The following CBLB variants were observed in gnomAD, a reference collection of about 807,000 sequenced individuals.
CBLB encodes the protein Cbl proto-oncogene B.
A neutral mutation model predicts 104.9 loss-of-function variants in CBLB; 31 were observed. The ratio of observed to expected loss-of-function variants is 0.30; its 90% confidence interval spans 0.22 to 0.40. The LOEUF is 0.40. CBLB is among the 10% of genes least tolerant of loss of function. The probability of loss-of-function intolerance (pLI) is 1.00; values close to 1 mark genes in which losing one functional copy is unlikely to be tolerated. For missense variants in CBLB, 1,062 were observed against 1,214.6 expected (o/e 0.87, Z 1.87); for synonymous variants, 440 against 422.6 (o/e 1.04, Z -0.51).
At chr3:105,815,711 G>A (rs1163606214) in intron 3 of CBLB, among the ~76,000 whole-genome samples, 1 of 152,098 alleles carries the variant, frequency 6.6e-6, no homozygotes, top group East Asian at 1.9e-4. Flanking sequence ...ATACCCAAAG[G>A]ATTATAAATC....
intron 7 of CBLB, among the ~76,000 whole-genome samples, chr3:105,738,450 A>G (rs1408588178): frequency 6.6e-6 from 1 of 152,150 alleles, no homozygotes; most frequent in Admixed American, 6.5e-5. Context: ...AAAATTTGAC[A>G]AACATTAAAT....
At chr3:105,673,355 C>T (rs1363192287) in intron 17 of CBLB, 2 of 152,214 alleles carry the variant, frequency 1.3e-5, no homozygotes, top group African/African-American at 4.8e-5. Flanking sequence ...AGGCATGAGC[C>T]TGTACCTGGC....
At chr3:105,730,858 A>C (rs1283622380) in intron 9 of CBLB, among the ~76,000 whole-genome samples, 2 of 152,166 alleles carry the variant, frequency 1.3e-5, no homozygotes, top group African/African-American at 4.8e-5. Flanking sequence ...TTTTGTTTCT[A>C]CTTTACTTAG....
chr3:105,750,839 A>G lies in CBLB; in HGVS notation c.723+623T>C, dbSNP rs567999231. Among the ~76,000 whole-genome samples the G allele has an allele frequency of 7.9e-5, 12 of 152,344 alleles. No homozygotes were observed. In the South Asian group the frequency reaches 2.5e-3, roughly 32 times the overall value. ...TTTACATTAGAGAAAATGTGGGAAA[A>G]GACCTAAATTTTTCAAAAGAGAGCT... On this transcript the variant is annotated intron_variant, in intron 5 of 18. Transcript: ENST00000394030.
At chr3:105,736,507 A>G (rs2074958195) in intron 8 of CBLB, among the ~76,000 whole-genome samples, 1 of 152,160 alleles carries the variant, frequency 6.6e-6, no homozygotes, top group South Asian at 2.1e-4. Context: ...GACTTCACAC[A>G]ATACAGTATG....
chr3:105,658,098 A>T lies in CBLB; in HGVS notation c.*872T>A, dbSNP rs6437609. 1 allele frequency: 216,628 copies of T among 217,194 alleles called. 108,036 individuals carry two copies. Among genetic ancestry groups the T allele is most frequent in the East Asian group, 1 (14,568 of 14,568 alleles). 13.5% of individuals were successfully genotyped at this position (217,194 alleles called of 1,614,324 possible). A position where few individuals can be genotyped will look rare whatever the true frequency, so the allele number is the denominator to read the frequency against. ...CATAAGTATCAGGGGACCTTGTTAT[A>T]TAACTTCAGTACAGCATTGTCTTAT... On this transcript the variant is annotated 3_prime_UTR_variant, in exon 19 of 19. Coordinates refer to ENST00000394030, the MANE Select transcript of CBLB (RefSeq NM_170662.5).
chr3:105,685,772 T>C (rs1040497917), intron 13 of CBLB, among the ~76,000 whole-genome samples: 5 of 152,188 alleles, frequency 3.3e-5, no homozygotes, highest in Admixed American at 1.3e-4. Context: ...ATGTACAAAT[T>C]TATTCAAACC....
intron 13 of CBLB, among the ~76,000 whole-genome samples, chr3:105,686,296 A>G (rs557381688): frequency 3.3e-5 from 5 of 152,324 alleles, no homozygotes; most frequent in Admixed American, 6.5e-5. Flanking sequence ...GCTGAAGCCA[A>G]TGAAAAATGC....
intron 17 of CBLB, 81 bp from the exon 18 acceptor site, chr3:105,670,433 TGAA>T (rs2064950480): frequency 2.7e-6 from 3 of 1,122,774 alleles, no homozygotes; most frequent in East Asian, 2.5e-5. Context: ...AATTATTTTA[TGAA>T]GATTATGGCT....
chr3:105,814,059 TTTAA>T (rs1241758420), intron 3 of CBLB, among the ~76,000 whole-genome samples: 8 of 152,160 alleles, frequency 5.3e-5, no homozygotes, highest in African/African-American at 1.9e-4. Flanking sequence ...TGTTTGCTTG[TTTAA>T]TTCTTTCTAA....
chr3:105,758,716 C>T (rs2077306657), intron 4 of CBLB, among the ~76,000 whole-genome samples: 1 of 152,208 alleles, frequency 6.6e-6, no homozygotes, highest in Admixed American at 6.5e-5. Context: ...CAGGCACCAG[C>T]ACAGGCACCG....
At chr3:105,732,766 T>A (rs1260477395) in intron 9 of CBLB, among the ~76,000 whole-genome samples, 4 of 152,156 alleles carry the variant, frequency 2.6e-5, no homozygotes. Context: ...TGAGCCTCAA[T>A]GTCCATCCTT....
intron 3 of CBLB, among the ~76,000 whole-genome samples, chr3:105,802,389 C>A (rs1275458238): frequency 6.6e-6 from 1 of 152,160 alleles, no homozygotes; most frequent in Non-Finnish European, 1.5e-5. Flanking sequence ...CCTAGGTCAC[C>A]ATTAGACTCT....
intron 3 of CBLB, among the ~76,000 whole-genome samples, chr3:105,816,261 AC>A (rs2085042797): frequency 6.6e-6 from 1 of 152,176 alleles, no homozygotes; most frequent in South Asian, 2.1e-4. Context: ...TCTTTGCAAA[AC>A]CATGAAATTA....
intron 3 of CBLB, among the ~76,000 whole-genome samples, chr3:105,795,241 T>C (rs976352074): frequency 2.6e-5 from 4 of 152,058 alleles, no homozygotes; most frequent in African/African-American, 7.2e-5. Flanking sequence ...AATAAGCAGA[T>C]CAATTATGAA....
Position 105,740,588 on chromosome 3 carries a change from T to A in CBLB, c.889A>T (p.Ile297Phe), listed in dbSNP as rs1255306349. Residue 297 changes from isoleucine to phenylalanine, a missense_variant, in exon 7 of 19, where the codon ATT becomes TTT. Ile to Phe is a conservative substitution (Grantham distance 21). Coordinates refer to ENST00000394030, the MANE Select transcript of CBLB (RefSeq NM_170662.5). ...LSCTRLGQWAIGYVTGDGNIL... is the reference protein window; with the variant it reads ...LSCTRLGQWAFGYVTGDGNIL... ...TTCCCATCCCCAGTCACATAGCCAA[T>A]GGCCCACTGTCCCAATCGAGTGCAA... The A allele has an allele frequency of 8.1e-6, 13 of 1,613,950 alleles. No homozygotes were observed. Among genetic ancestry groups the A allele is most frequent in the Non-Finnish European group, 1.1e-5 (13 of 1,179,932 alleles).
chr3:105,867,354 G>A (rs2092483676), intron 2 of CBLB, 56 bp downstream of exon 2: 1 of 1,485,636 alleles, frequency 6.7e-7, no homozygotes, highest in South Asian at 1.1e-5. Flanking sequence ...TAAATCTGGA[G>A]AAACCACAGA....
chr3:105,796,376 C>T (rs147115623), intron 3 of CBLB, among the ~76,000 whole-genome samples: 102 of 152,256 alleles, frequency 6.7e-4, no homozygotes, highest in African/African-American at 2.4e-3. Flanking sequence ...GGGTGCTAGG[C>T]AAACTGGCTA....
rs1409654997 is a variant in CBLB, at chr3:105,867,483, G to A, written c.95C>T (p.Ala32Val). The change falls in exon 2 of 19, where the codon GCA (alanine) becomes GTA (valine). Residue 32 changes from alanine to valine, a missense_variant. Ala to Val is a moderately conservative substitution (Grantham distance 64, BLOSUM62 0). Coordinates refer to ENST00000394030, the MANE Select transcript of CBLB (RefSeq NM_170662.5). ...ILGIIDAIQD[A>V]VGPPKQAAAD... ...GGCAGCTTGCTTAGGGGGTCCAACT[G>A]CATCCTGAATAGCATCAATAATACC... 1.2e-6 allele frequency: 2 copies of A among 1,614,114 alleles called. No individual in the cohort carries two copies. The highest frequency in any genetic ancestry group is 1.7e-6 in the Non-Finnish European group (2 of 1,179,966).
Sources: gnomAD v4.1 joint callset for allele counts (sites outside exome capture counted in the v4.1 genomes callset) on GRCh38, gnomAD v4.1.1 for gene constraint, MANE v1.5 for transcripts, NCBI Gene and HGNC (gene_info 2026-07-23, HGNC 2026-07-21) for gene names.